CENPK: variants seen among roughly 807,000 people sequenced by gnomAD.
CENPK encodes SoxLZ/Sox6-binding protein Solt.
Under a neutral mutation model 40.9 loss-of-function variants are expected in CENPK, and 46 were observed. The observed-to-expected ratio is 1.13, with a 90% confidence interval of 0.89 to 1.44. The LOEUF is 1.44. Ranked by LOEUF, CENPK falls within the 40% of genes most tolerant of loss-of-function variation. The probability of loss-of-function intolerance (pLI) is 0.00; values close to 1 mark genes in which losing one functional copy is unlikely to be tolerated. For synonymous variants in CENPK, 107 were observed against 104.4 expected (o/e 1.02, Z -0.15); for missense variants, 288 against 303.5 (o/e 0.95, Z 0.38).
chr5:65,537,335 C>T (rs1192815016), intron 6 of CENPK, among the ~76,000 whole-genome samples: 3 of 152,128 alleles, frequency 2.0e-5, no homozygotes, highest in Middle Eastern at 3.2e-3. Context: ...GACGGAGTCT[C>T]GCTCTGTCAT....
the CENPK span, among the ~76,000 whole-genome samples, chr5:65,507,711 G>C: frequency 6.6e-6 from 1 of 152,214 alleles, no homozygotes; most frequent in Admixed American, 6.5e-5. Flanking sequence ...AACTAACACT[G>C]ATATAATAGT....
rs774200181 is a variant in CENPK at position 65,521,524 on chromosome 5, T to A, written c.602A>T (p.Asn201Ile). Residue 201 changes from asparagine (N) to isoleucine (I), a missense_variant, in exon 10 of 11, where the codon AAC (asparagine) becomes ATC (isoleucine). Physicochemically the swap from Asn to Ile is moderately radical, Grantham distance 149. Transcript: ENST00000396679. Reference protein sequence around the residue: ...PDRSVKKKKKNIQESSVNLIT... With the variant: ...PDRSVKKKKKIIQESSVNLIT... ...CAGGTTTACAGATGATTCTTGAATG[T>A]TTTTCTTCAAGAGAAATGTGAATAA... 5.0e-6 allele frequency: 8 copies of A among 1,598,558 alleles called. No homozygotes were observed. The South Asian group carries it at 8.9e-5, about 18-fold the overall frequency.
At chr5:65,560,819 T>G (rs977403430) in intron 2 of CENPK, among the ~76,000 whole-genome samples, 2 of 152,210 alleles carry the variant, frequency 1.3e-5, no homozygotes, top group Admixed American at 1.3e-4. Context: ...GCATTTCTTG[T>G]GATCCAGAAG....
chr5:65,518,396 T>A lies in CENPK; in HGVS notation c.*79A>T. 23 of 1,439,138 alleles carry A rather than the reference T, an allele frequency of 1.6e-5. No individual in the cohort carries two copies. The highest frequency in any genetic ancestry group is 2.0e-5 in the Non-Finnish European group (21 of 1,052,028). The allele number at this position is 1,439,138 out of a possible 1,614,324, so 89.1% of individuals were successfully genotyped here. A position where few individuals can be genotyped will look rare whatever the true frequency, so the allele number is the denominator to read the frequency against. ...ATGCGCATTAATTTGCAAATAATGT[T>A]TTTTATCCAAATAGTCCTGTGGTTC... On this transcript the variant is annotated 3_prime_UTR_variant, in exon 11 of 11. Transcript: ENST00000396679.
rs971585366 is a variant in CENPK at position 65,532,739 on chromosome 5, G to A, written c.289-3540C>T. Among the ~76,000 whole-genome samples the A allele has an allele frequency of 6.0e-5, 9 of 151,102 alleles. 1 individual carries two copies. Among genetic ancestry groups the A allele is most frequent in the East Asian group, 3.9e-4 (2 of 5,112 alleles). On this transcript the variant is annotated intron_variant, in intron 6 of 10. Coordinates refer to ENST00000396679, the MANE Select transcript of CENPK (RefSeq NM_022145.5). The stretch of plus-strand genomic sequence containing the variant: ...AGCCTGACCAACATGGAGAAACCCC[G>A]TCTCTACTAAAAATACAAAATTAGC...
intron 2 of CENPK, 37 bp downstream of exon 2, chr5:65,561,426 A>G: frequency 2.3e-6 from 1 of 427,120 alleles, no homozygotes; most frequent in Admixed American, 2.7e-5. Context: ...GCAGTAGAAT[A>G]AAAACATATA....
the CENPK span, among the ~76,000 whole-genome samples, chr5:65,510,970 AG>A: frequency 2.0e-5 from 3 of 152,264 alleles, no homozygotes; most frequent in Admixed American, 2.0e-4. Context: ...GGGCCCCATA[AG>A]ATGCAGCTTC....
At chr5:65,530,200 A>G (rs1241285657) in intron 6 of CENPK, among the ~76,000 whole-genome samples, 1 of 152,204 alleles carries the variant, frequency 6.6e-6, no homozygotes, top group South Asian at 2.1e-4. Context: ...TTGTTGATCA[A>G]TCATTGACTA....
intron 6 of CENPK, among the ~76,000 whole-genome samples, chr5:65,533,129 G>A (rs1378012651): frequency 6.6e-6 from 1 of 151,606 alleles, no homozygotes; most frequent in Non-Finnish European, 1.5e-5. Context: ...GGAGGCCGAG[G>A]ACCTGAGGTT....
intron 5 of CENPK, chr5:65,550,364 G>A (rs1265334536): frequency 6.6e-6 from 1 of 152,094 alleles, no homozygotes; most frequent in Admixed American, 6.6e-5. Flanking sequence ...AGAAACAATT[G>A]GAGGGTTATT....
At chr5:65,511,301 C>T in the CENPK span, among the ~76,000 whole-genome samples, 54 of 152,234 alleles carry the variant, frequency 3.5e-4, no homozygotes, top group Non-Finnish European at 6.3e-4. Flanking sequence ...CCAAGTTATC[C>T]GGAAGATCTA....
intron 5 of CENPK, chr5:65,551,353 A>G (rs1750009152): frequency 2.1e-6 from 1 of 483,914 alleles, no homozygotes; most frequent in African/African-American, 2.0e-5. Flanking sequence ...CTCCATAATC[A>G]AGCTTATTAT....
At chr5:65,507,752 TCAC>T in the CENPK span, among the ~76,000 whole-genome samples, 23 of 152,218 alleles carry the variant, frequency 1.5e-4, no homozygotes, top group Non-Finnish European at 2.8e-4. Context: ...TATTCAAATT[TCAC>T]CACTTTTTCC....
the CENPK span, among the ~76,000 whole-genome samples, chr5:65,502,504 CTCTT>C: frequency 1.1e-4 from 17 of 152,228 alleles, no homozygotes; most frequent in African/African-American, 4.1e-4. Flanking sequence ...TAGAAGTCCT[CTCTT>C]TCCTTTAAAA....
At chr5:65,561,062 C>T (rs1392700956) in intron 2 of CENPK, 1 of 151,986 alleles carries the variant, frequency 6.6e-6, no homozygotes, top group Non-Finnish European at 1.5e-5. Flanking sequence ...ATTAAATACT[C>T]CCTAGGGTTA....
chr5:65,539,103 C>G lies in CENPK; in HGVS notation c.288+3699G>C, dbSNP rs1250627000. Among the ~76,000 whole-genome samples the G allele has an allele frequency of 1.3e-5, 2 of 152,184 alleles. 1 individual carries two copies. Among genetic ancestry groups the G allele is most frequent in the Admixed American group, 1.3e-4 (2 of 15,278 alleles). ...TCTATATTTTAACCTTATGAACTGA[C>G]ACTTTAAAAACATGACATTATTGAC... On this transcript the variant is annotated intron_variant, in intron 6 of 10. Coordinates refer to ENST00000396679, the MANE Select transcript of CENPK (RefSeq NM_022145.5).
the CENPK span, among the ~76,000 whole-genome samples, chr5:65,499,469 T>TTACTTA: frequency 1.3e-5 from 2 of 151,800 alleles, no homozygotes; most frequent in Non-Finnish European, 2.9e-5. Flanking sequence ...TCTTTTCAGT[T>TTACTTA]TACTTACAAT....
At chr5:65,538,586 A>G (rs1028468144) in intron 6 of CENPK, among the ~76,000 whole-genome samples, 3 of 152,222 alleles carry the variant, frequency 2.0e-5, no homozygotes, top group African/African-American at 7.2e-5. Flanking sequence ...TCTCAGCGAA[A>G]GATTCAACTT....
At chr5:65,510,356 C>T in the CENPK span, among the ~76,000 whole-genome samples, 1 of 143,594 alleles carries the variant, frequency 7.0e-6, no homozygotes, top group Non-Finnish European at 1.5e-5. Flanking sequence ...ATCAGACTAG[C>T]CTGCTATGGT....
Sources: allele counts gnomAD v4.1 joint callset (sites outside exome capture counted in the v4.1 genomes callset), GRCh38; gene constraint gnomAD v4.1.1; transcripts MANE v1.5; gene names NCBI Gene and HGNC (gene_info 2026-07-23, HGNC 2026-07-21).